PRKCB: variants seen among roughly 807,000 people sequenced by gnomAD.
PRKCB encodes the protein protein kinase C beta type.
In PRKCB, 13 loss-of-function variants were observed where a neutral mutation model predicts 81.5. The observed-to-expected ratio is 0.16, with a 90% CI of 0.10 to 0.25. PRKCB has a LOEUF of 0.25. Among genes scored for constraint, PRKCB ranks in the 10% least tolerant of loss-of-function variants. The pLI is 1.00. For missense variants in PRKCB, 509 were observed against 875.7 expected (o/e 0.58, Z 5.29); for synonymous variants, 335 against 321.4 (o/e 1.04, Z -0.45).
At chr16:23,844,607 A>T (rs1478802385) in intron 2 of PRKCB, among the ~76,000 whole-genome samples, 1 of 151,954 alleles carries the variant, frequency 6.6e-6, no homozygotes, top group Non-Finnish European at 1.5e-5. Context: ...TCCCAGGTTC[A>T]CGCCATTCTC....
chr16:24,217,433 G>A lies in PRKCB; in HGVS notation c.*2617G>A. Reference sequence around the variant, plus strand: ...GACCTTCTTGGGGGATTAATGGGAGGTCAGTAGAATTAATAACCCTCCTTG... The same window carrying A: ...GACCTTCTTGGGGGATTAATGGGAGATCAGTAGAATTAATAACCCTCCTTG... On this transcript the variant is annotated 3_prime_UTR_variant, in exon 17 of 17. Coordinates refer to ENST00000643927, the MANE Select transcript of PRKCB (RefSeq NM_002738.7). The A allele has an allele frequency of 1.0e-6, 1 of 985,406 alleles. No homozygotes were observed. Among genetic ancestry groups the A allele is most frequent in the Non-Finnish European group, 1.2e-6 (1 of 829,930 alleles). The allele number at this position is 985,406 out of a possible 1,614,324, so 61.0% of individuals were successfully genotyped here.
intron 2 of PRKCB, among the ~76,000 whole-genome samples, chr16:23,970,506 A>G (rs1218192579): frequency 6.6e-6 from 1 of 152,176 alleles, no homozygotes; most frequent in African/African-American, 2.4e-5. Context: ...ATGTGGGTCT[A>G]AGAGTGAAGG....
intron 3 of PRKCB, among the ~76,000 whole-genome samples, chr16:24,003,957 T>C (rs1478481947): frequency 6.6e-6 from 1 of 152,114 alleles, no homozygotes; most frequent in Non-Finnish European, 1.5e-5. Flanking sequence ...CATACATGAG[T>C]CTAGATGAAC....
intron 16 of PRKCB, among the ~76,000 whole-genome samples, chr16:24,194,800 T>A (rs989163031): frequency 4.6e-5 from 7 of 152,222 alleles, no homozygotes; most frequent in African/African-American, 1.7e-4. Flanking sequence ...AACAATGACT[T>A]TCAAAGTACA....
rs575930232 is a variant in PRKCB, at chr16:24,164,315, A to G, written c.1240-7955A>G. Among the ~76,000 whole-genome samples the G allele has an allele frequency of 7.9e-5, 12 of 152,246 alleles. No homozygotes were observed. The South Asian group carries it at 2.3e-3, about 29-fold the overall frequency. On this transcript the variant is annotated intron_variant, in intron 10 of 16. Transcript: ENST00000643927. ...AGACTATCCTCATACTCATGTTCCA[A>G]ATTTGGGAAATTCTAGCCAACCATT...
chr16:23,970,420 G>A (rs1414116856), intron 2 of PRKCB, among the ~76,000 whole-genome samples: 1 of 152,208 alleles, frequency 6.6e-6, no homozygotes, highest in Non-Finnish European at 1.5e-5. Flanking sequence ...AGGTGGGTTG[G>A]TGCCACCTGG....
chr16:23,885,948 A>G (rs1963191703), intron 2 of PRKCB, among the ~76,000 whole-genome samples: 1 of 152,242 alleles, frequency 6.6e-6, no homozygotes, highest in African/African-American at 2.4e-5. Flanking sequence ...TGTGATACTA[A>G]CAACATTAAC....
chr16:24,067,941 CAA>C (rs912993889), intron 5 of PRKCB, among the ~76,000 whole-genome samples: 7,008 of 76,932 alleles, frequency 0.091, 379 homozygotes, highest in African/African-American at 0.2. Context: ...GACTCCGTCT[CAA>C]AAAAAAAAAA....
chr16:24,138,655 T>A (rs1041596543), intron 9 of PRKCB, among the ~76,000 whole-genome samples: 1 of 152,138 alleles, frequency 6.6e-6, no homozygotes. Flanking sequence ...ACAGTATTAT[T>A]AACTGAATTA....
At chr16:24,172,919 C>T (rs1286365954) in intron 11 of PRKCB, among the ~76,000 whole-genome samples, 2 of 152,142 alleles carry the variant, frequency 1.3e-5, no homozygotes, top group African/African-American at 2.4e-5. Flanking sequence ...TAACAAACAT[C>T]GTCTCACTTA....
chr16:23,945,985 C>T (rs1248298860), intron 2 of PRKCB, among the ~76,000 whole-genome samples: 2 of 152,234 alleles, frequency 1.3e-5, no homozygotes, highest in Admixed American at 1.3e-4. Context: ...ATGCTTCTTT[C>T]TCCTGGCATG....
intron 7 of PRKCB, chr16:24,111,172 G>A (rs1248391921): frequency 2.6e-5 from 4 of 152,116 alleles, no homozygotes; most frequent in South Asian, 2.1e-4. Flanking sequence ...GGTAATTTCC[G>A]TGGAATTTTG....
intron 2 of PRKCB, among the ~76,000 whole-genome samples, chr16:23,956,958 G>T (rs79144924): frequency 1.1e-5 from 1 of 93,864 alleles, no homozygotes; most frequent in Non-Finnish European, 2.1e-5. Context: ...ATAAATTACA[G>T]GTGGAGTAAG....
At chr16:24,002,449 C>T (rs1268631490) in intron 3 of PRKCB, among the ~76,000 whole-genome samples, 1 of 151,998 alleles carries the variant, frequency 6.6e-6, no homozygotes, top group African/African-American at 2.4e-5. Flanking sequence ...AAGTGATTCT[C>T]CTGCCTCAGC....
At chr16:24,211,705 C>T (rs934118820) in intron 16 of PRKCB, among the ~76,000 whole-genome samples, 1 of 151,834 alleles carries the variant, frequency 6.6e-6, no homozygotes, top group Non-Finnish European at 1.5e-5. Context: ...ATTACAGGCA[C>T]CTGACACCAC....
chr16:23,910,901 T>C (rs1963641395), intron 2 of PRKCB, among the ~76,000 whole-genome samples: 2 of 152,040 alleles, frequency 1.3e-5, no homozygotes, highest in African/African-American at 4.8e-5. Context: ...ATCCTAGACA[T>C]TTTGTATAAA....
Position 24,021,642 on chromosome 16 carries a change from A to C in PRKCB, c.289-10494A>C, listed in dbSNP as rs186110975. 2.6e-3 allele frequency among the ~76,000 whole-genome samples: 391 copies of C among 152,050 alleles called. 1 individual carries two copies. Among genetic ancestry groups the C allele is most frequent in the African/African-American group, 8.1e-3 (335 of 41,504 alleles). Reference sequence around the variant, plus strand: ...AGGAGCAGGGGGGCAGCCAGGGGACACTGAGGGGTTCCCACTCGGCTGGCT... The same window carrying C: ...AGGAGCAGGGGGGCAGCCAGGGGACCCTGAGGGGTTCCCACTCGGCTGGCT... On this transcript the variant is annotated intron_variant, in intron 3 of 16. Coordinates refer to ENST00000643927, the MANE Select transcript of PRKCB (RefSeq NM_002738.7).
At chr16:24,199,029 T>C (rs1305138274) in intron 16 of PRKCB, among the ~76,000 whole-genome samples, 1 of 152,206 alleles carries the variant, frequency 6.6e-6, no homozygotes, top group Non-Finnish European at 1.5e-5. Flanking sequence ...CCGATTCTTA[T>C]CTGCACTTTA....
chr16:24,198,026 G>A (rs1967904187), intron 16 of PRKCB, among the ~76,000 whole-genome samples: 1 of 152,210 alleles, frequency 6.6e-6, no homozygotes, highest in African/African-American at 2.4e-5. Context: ...CCATCCTGTT[G>A]CAAAGAATGT....
Sources: allele counts gnomAD v4.1 joint callset (sites outside exome capture counted in the v4.1 genomes callset), GRCh38; gene constraint gnomAD v4.1.1; transcripts MANE v1.5; gene names NCBI Gene and HGNC (gene_info 2026-07-23, HGNC 2026-07-21).